The following SESTD1 variants were observed in gnomAD, a reference collection of about 807,000 sequenced individuals.
The protein encoded by SESTD1 is SEC14 domain and spectrin repeat-containing protein 1.
A neutral mutation model predicts 101.7 loss-of-function variants in SESTD1; 43 were observed. The ratio of observed to expected loss-of-function variants is 0.42; its 90% CI spans 0.33 to 0.55. The LOEUF is 0.55. Among genes scored for constraint, SESTD1 ranks in the 20% least tolerant of loss-of-function variants. SESTD1 has a pLI of 0.07. For missense variants in SESTD1, 647 were observed against 815.1 expected (o/e 0.79, Z 2.51); for synonymous variants, 283 against 286.8 (o/e 0.99, Z 0.13).
intron 1 of SESTD1, among the ~76,000 whole-genome samples, chr2:179,220,731 A>C (rs1408821258): frequency 1.3e-5 from 2 of 152,040 alleles, no homozygotes; most frequent in African/African-American, 4.8e-5. Context: ...CCAGATTCCA[A>C]CCCCTCTTCA....
At position 179,117,562 on chromosome 2, in the gene SESTD1, C is replaced by T. The variant is rs1237961363; in HGVS notation, c.1494G>A (p.Gln498=). 1.8e-5 allele frequency: 29 copies of T among 1,584,330 alleles called. No individual in the cohort carries two copies. Among genetic ancestry groups the T allele is most frequent in the Non-Finnish European group, 2.3e-5 (27 of 1,169,638 alleles). The change falls in exon 14 of 18, where the codon CAG becomes CAA. Residue 498 remains glutamine (Q), a synonymous_variant. Transcript: ENST00000428443. ...VRRLKMLQMV[Q]LFKCEEDAAQ... is the part of the protein sequence containing the mutation. The stretch of plus-strand genomic sequence containing the variant: ...CAGCATCTTCTTCACATTTAAACAA[C>T]TGCACCATCTGAAGCATCTTTAACC...
At chr2:179,168,776 G>A (rs918528841) in intron 5 of SESTD1, among the ~76,000 whole-genome samples, 13 of 149,582 alleles carry the variant, frequency 8.7e-5, no homozygotes, top group Non-Finnish European at 1.5e-4. Context: ...TGCTGTAAAA[G>A]AAAACAGATT....
intron 1 of SESTD1, among the ~76,000 whole-genome samples, chr2:179,220,924 A>G (rs956428048): frequency 1.3e-5 from 2 of 152,208 alleles, no homozygotes; most frequent in Non-Finnish European, 2.9e-5. Flanking sequence ...TAAGATTTAA[A>G]TGCATTCGGA....
In SESTD1 at chr2:179,117,566, A is replaced by C; in HGVS notation, c.1490T>G (p.Val497Gly). The change falls in exon 14 of 18, where the codon GTG becomes GGG. Residue 497 changes from valine (V) to glycine (G), a missense_variant. Val to Gly is a moderately radical substitution (Grantham distance 109). Around this residue, in one of 3 missense-constraint regions of SESTD1, gnomAD observed 476 missense variants for 562.6 expected, o/e 0.85. Transcript: ENST00000428443. ...ATCTTCTTCACATTTAAACAACTGC[A>C]CCATCTGAAGCATCTTTAACCTTCG... ...DVRRLKMLQM[V>G]QLFKCEEDAA... The C allele has an allele frequency of 6.3e-7, 1 of 1,586,026 alleles. No individual in the cohort carries two copies. The highest frequency in any genetic ancestry group is 8.5e-7 in the Non-Finnish European group (1 of 1,170,184).
chr2:179,254,220 T>C (rs2047359588), intron 1 of SESTD1, among the ~76,000 whole-genome samples: 1 of 152,068 alleles, frequency 6.6e-6, no homozygotes, highest in African/African-American at 2.4e-5. Context: ...ACAAAGACTA[T>C]GGAAATAATG....
intron 1 of SESTD1, among the ~76,000 whole-genome samples, chr2:179,224,086 G>T (rs924128064): frequency 6.6e-6 from 1 of 152,148 alleles, no homozygotes; most frequent in East Asian, 1.9e-4. Context: ...AATAAACTCT[G>T]AAGAGCATGA....
chr2:179,168,293 T>G (rs979835800), intron 5 of SESTD1, among the ~76,000 whole-genome samples: 6 of 152,206 alleles, frequency 3.9e-5, no homozygotes, highest in African/African-American at 1.4e-4. Flanking sequence ...TCTTAACATT[T>G]TTTCTCTAGC....
rs1198168559 is a variant in SESTD1, at chr2:179,176,498, C to T, written c.205G>A (p.Gly69Ser). ...KARGFTVIVD[G>S]RKSQWNVVKT... ...ACCACATTCCACTGTGATTTTCTGC[C>T]ATCCACAATCACGGTAAATCCTCTA... Residue 69 changes from glycine (G) to serine (S), a missense_variant, in exon 4 of 18, where the codon GGC becomes AGC. Around this residue, in one of 3 missense-constraint regions of SESTD1, gnomAD observed 168 missense variants for 235.1 expected, o/e 0.71. Transcript: ENST00000428443. 6.2e-7 allele frequency: 1 copy of T among 1,613,546 alleles called. No homozygotes were observed. The highest frequency in any genetic ancestry group is 8.5e-7 in the Non-Finnish European group (1 of 1,179,808).
chr2:179,193,047 T>C (rs2105498239), intron 1 of SESTD1, among the ~76,000 whole-genome samples: 1 of 152,192 alleles, frequency 6.6e-6, no homozygotes, highest in South Asian at 2.1e-4. Context: ...CTATCCCACC[T>C]AAGGCTGTGC....
At chr2:179,191,744 A>T in intron 2 of SESTD1, 43 bp downstream of exon 2, 3 of 1,504,786 alleles carry the variant, frequency 2.0e-6, no homozygotes, top group Non-Finnish European at 2.7e-6. Context: ...ACTATTAAAA[A>T]GTTTGTATAT....
intron 2 of SESTD1, among the ~76,000 whole-genome samples, chr2:179,188,661 G>A (rs546109695): frequency 7.2e-5 from 11 of 152,096 alleles, no homozygotes; most frequent in East Asian, 3.9e-4. Flanking sequence ...GGGGTGGGGG[G>A]CTGACAACAC....
In SESTD1 at chr2:179,115,104, T is replaced by C; in HGVS notation, c.1800A>G (p.Arg600=). Residue 600 remains arginine, a synonymous_variant, in exon 16 of 18, where the codon AGA becomes AGG. Transcript: ENST00000428443. ...AGTGAAATGCAATAGCCATTTCCAA[T>C]CTATGTACTCTCTCTTCAGATGCTA... ...FTIASEERVH[R]LEMAIAFHSN... 6.2e-7 allele frequency: 1 copy of C among 1,610,098 alleles called. No homozygotes were observed. The highest frequency in any genetic ancestry group is 2.2e-5 in the East Asian group (1 of 44,866).
chr2:179,183,198 A>C lies in SESTD1; in HGVS notation c.56-10T>G. The C allele has an allele frequency of 6.4e-7, 1 of 1,565,386 alleles. No homozygotes were observed. Among genetic ancestry groups the C allele is most frequent in the Non-Finnish European group, 8.8e-7 (1 of 1,140,728 alleles). ...CGTCTGTCTTTTCCTCCTATTAAAA[A>C]AGAGATTTAAATTTAACATGTAATA... On this transcript the variant is annotated splice_polypyrimidine_tract_variant and intron_variant, in intron 2 of 17. Coordinates refer to ENST00000428443, the MANE Select transcript of SESTD1 (RefSeq NM_178123.5).
chr2:179,225,879 C>T (rs2046877724), intron 1 of SESTD1, among the ~76,000 whole-genome samples: 1 of 152,148 alleles, frequency 6.6e-6, no homozygotes, highest in Admixed American at 6.5e-5. Flanking sequence ...ACAGTTGGAA[C>T]TAAGTTCCAA....
intron 10 of SESTD1, among the ~76,000 whole-genome samples, chr2:179,128,064 G>GT (rs111759865): frequency 1.3e-5 from 2 of 152,286 alleles, no homozygotes; most frequent in African/African-American, 4.8e-5. Flanking sequence ...CACTTGGGGT[G>GT]TTTATTAAAA....
chr2:179,131,421 T>C (rs1028649784), intron 10 of SESTD1, among the ~76,000 whole-genome samples: 2 of 152,198 alleles, frequency 1.3e-5, no homozygotes, highest in African/African-American at 2.4e-5. Context: ...AGAAGAAACG[T>C]TGCAGAAATT....
intron 1 of SESTD1, among the ~76,000 whole-genome samples, chr2:179,208,477 C>G (rs1216899511): frequency 7.4e-6 from 1 of 134,616 alleles, no homozygotes; most frequent in East Asian, 2.0e-4. Flanking sequence ...GAGGCAAAAG[C>G]ATCAGGTAAC....
rs537492205 is a variant in SESTD1 at position 179,107,436 on chromosome 2, A to G, written c.*2463T>C. 3 of 152,332 alleles carry G rather than the reference A, an allele frequency of 2.0e-5. No homozygotes were observed. The highest frequency in any genetic ancestry group is 2.1e-4 in the South Asian group (1 of 4,828). The allele number at this position is 152,332 out of a possible 1,614,324, so 9.4% of individuals were successfully genotyped here. The stretch of plus-strand genomic sequence containing the variant: ...ATAAAAATTAACTCATTTGGCAATT[A>G]TAACTCCATGAGTTGATGGCAGAAT... On this transcript the variant is annotated 3_prime_UTR_variant, in exon 18 of 18. Coordinates refer to ENST00000428443, the MANE Select transcript of SESTD1 (RefSeq NM_178123.5).
chr2:179,262,090 ATTATG>A, intron 1 of SESTD1, among the ~76,000 whole-genome samples: 1 of 152,336 alleles, frequency 6.6e-6, no homozygotes, highest in South Asian at 2.1e-4. Context: ...CCCTGAAAGC[ATTATG>A]TTAAGTGAAA....
Sources: gnomAD v4.1 joint callset for allele counts (sites outside exome capture counted in the v4.1 genomes callset) on GRCh38, gnomAD v4.1.1 for gene constraint, gnomAD v4.1.1 regional missense constraint, MANE v1.5 for transcripts, NCBI Gene and HGNC (gene_info 2026-07-23, HGNC 2026-07-21) for gene names.